Variants in GATAD2B observed in about 807,000 individuals in gnomAD.
GATAD2B encodes the protein transcriptional repressor p66-beta.
In GATAD2B, 8 loss-of-function variants were observed where a neutral mutation model predicts 64.3. That is an observed-to-expected ratio of 0.12 (90% confidence interval 0.07 to 0.22). The LOEUF is 0.22. Among genes scored for constraint, GATAD2B ranks in the 10% least tolerant of loss-of-function variants. The probability of loss-of-function intolerance (pLI) is 1.00; values close to 1 mark genes in which losing one functional copy is unlikely to be tolerated. For synonymous variants in GATAD2B, 281 were observed against 271.3 expected, an observed-to-expected ratio of 1.04 and a Z score of -0.35; for missense variants, 453 against 752.0, an observed-to-expected ratio of 0.60 and a Z score of 4.65.
At position 153,813,464 on chromosome 1, in the gene GATAD2B, CA is replaced by C. The variant is rs1196957318; in HGVS notation, c.1217-13del. On this transcript the variant is annotated splice_polypyrimidine_tract_variant and intron_variant, in intron 7 of 10. Transcript: ENST00000368655. ...GGCACAGCTTTTGCCTAGATACCAA[CA>C]AAAATAGTCAGTGGCTTTACATTTC... The C allele has an allele frequency of 6.3e-7, 1 of 1,589,646 alleles. No homozygotes were observed. Among genetic ancestry groups the C allele is most frequent in the South Asian group, 1.1e-5 (1 of 90,488 alleles).
At chr1:153,890,003 T>C (rs1677321533) in intron 1 of GATAD2B, among the ~76,000 whole-genome samples, 1 of 151,542 alleles carries the variant, frequency 6.6e-6, no homozygotes, top group South Asian at 2.1e-4. Context: ...GAGAAACTTG[T>C]CTTTACTAAA....
At chr1:153,875,037 T>A (rs1676781734) in intron 1 of GATAD2B, among the ~76,000 whole-genome samples, 1 of 152,034 alleles carries the variant, frequency 6.6e-6, no homozygotes. Context: ...CATGCCACCA[T>A]GCCCAGCATT....
chr1:153,819,555 A>G (rs761636011), intron 3 of GATAD2B, 51 bp downstream of exon 3: 13 of 1,281,126 alleles, frequency 1.0e-5, no homozygotes, highest in Non-Finnish European at 1.3e-5. Context: ...GAGGAATTAA[A>G]TAAAATAGAA....
intron 3 of GATAD2B, among the ~76,000 whole-genome samples, 185 bp downstream of exon 3, chr1:153,819,421 C>T (rs1674595408): frequency 6.6e-6 from 1 of 152,116 alleles, no homozygotes; most frequent in South Asian, 2.1e-4. Flanking sequence ...TTCAAACTGT[C>T]GTCTCCACTT....
chr1:153,915,147 CG>C (rs777183813), intron 1 of GATAD2B, among the ~76,000 whole-genome samples: 3 of 152,154 alleles, frequency 2.0e-5, no homozygotes, highest in Non-Finnish European at 4.4e-5. Context: ...CACTTGAACC[CG>C]GGAGGCGGTG....
At chr1:153,827,406 T>A (rs2101890892) in intron 2 of GATAD2B, among the ~76,000 whole-genome samples, 1 of 152,084 alleles carries the variant, frequency 6.6e-6, no homozygotes, top group East Asian at 1.9e-4. Context: ...TTTCAAGTAC[T>A]CAACCTTGAA....
chr1:153,833,818 AAAAAAAAAAAAAAG>A (rs1033982783), intron 1 of GATAD2B, among the ~76,000 whole-genome samples: 4 of 144,966 alleles, frequency 2.8e-5, no homozygotes, highest in African/African-American at 1.1e-4. Flanking sequence ...CTCCAAAAAA[AAAAAAAAAAAAAAG>A]AAAAAAGAAA....
intron 1 of GATAD2B, among the ~76,000 whole-genome samples, chr1:153,831,841 T>C (rs1675085967): frequency 6.6e-6 from 1 of 152,212 alleles, no homozygotes. Flanking sequence ...ACTCAACTGA[T>C]TATACGCCTA....
At chr1:153,904,659 A>C (rs1222919979) in intron 1 of GATAD2B, among the ~76,000 whole-genome samples, 1 of 151,934 alleles carries the variant, frequency 6.6e-6, no homozygotes, top group Non-Finnish European at 1.5e-5. Context: ...CTCCTGTTTC[A>C]GTTTCCCAAG....
chr1:153,815,296 A>AC (rs1674438012), intron 7 of GATAD2B, among the ~76,000 whole-genome samples: 1 of 148,266 alleles, frequency 6.7e-6, no homozygotes, highest in African/African-American at 2.5e-5. Context: ...AAAAAAACAA[A>AC]AAAAAAAAAA....
intron 1 of GATAD2B, among the ~76,000 whole-genome samples, chr1:153,867,861 A>G (rs1676531499): frequency 6.6e-6 from 1 of 151,968 alleles, no homozygotes; most frequent in Non-Finnish European, 1.5e-5. Context: ...CTCCGTCTCA[A>G]AAAACAACAA....
chr1:153,887,446 T>C (rs752391469), intron 1 of GATAD2B, among the ~76,000 whole-genome samples: 1 of 152,222 alleles, frequency 6.6e-6, no homozygotes, highest in East Asian at 1.9e-4. Flanking sequence ...TTTGGGAAGA[T>C]GTATTTATCA....
intron 1 of GATAD2B, among the ~76,000 whole-genome samples, chr1:153,913,300 T>A (rs371004155): frequency 6.6e-6 from 1 of 152,076 alleles, no homozygotes; most frequent in Non-Finnish European, 1.5e-5. Context: ...GGAAAAAAAA[T>A]AATCAAAGGT....
chr1:153,842,788 G>C (rs1196051313), intron 1 of GATAD2B, among the ~76,000 whole-genome samples: 1 of 151,822 alleles, frequency 6.6e-6, no homozygotes, highest in African/African-American at 2.4e-5. Context: ...GAGTAGCTGG[G>C]ATTACAGGCG....
intron 1 of GATAD2B, among the ~76,000 whole-genome samples, chr1:153,868,526 T>A (rs1035141552): frequency 1.3e-5 from 2 of 152,006 alleles, no homozygotes; most frequent in African/African-American, 4.8e-5. Context: ...TTTTAAAAAA[T>A]TTAAAGTCTT....
intron 1 of GATAD2B, chr1:153,852,119 A>C (rs1418742204): frequency 3.1e-6 from 2 of 645,202 alleles, no homozygotes; most frequent in East Asian, 5.4e-5. Flanking sequence ...TTGTGCTCAG[A>C]TCGCTGGGCC....
intron 4 of GATAD2B, 118 bp from the exon 5 acceptor site, chr1:153,818,289 A>C: frequency 4.9e-6 from 4 of 817,540 alleles, no homozygotes; most frequent in Middle Eastern, 2.5e-4. Context: ...AGGAGGAAAA[A>C]CCAGAAAAAG....
Position 153,810,219 on chromosome 1 carries a change from G to T in GATAD2B, c.1740C>A (p.Ile580=), listed in dbSNP as rs1674246559. The stretch of plus-strand genomic sequence containing the variant: ...TGGACTGCGATATAGACCGGGGAGG[G>T]ATCATGTCTAAAAGGTATTCACGCT... The part of the protein sequence containing the change: ...DRQREYLLDM[I]PPRSISQSIS... The change falls in exon 11 of 11, where the codon ATC becomes ATA. Residue 580 remains isoleucine, a synonymous_variant. Transcript: ENST00000368655. 1 of 1,613,110 alleles carries T rather than the reference G, an allele frequency of 6.2e-7. No homozygotes were observed. Among genetic ancestry groups the T allele is most frequent in the Non-Finnish European group, 8.5e-7 (1 of 1,179,584 alleles).
chr1:153,887,916 G>T (rs1483424214), intron 1 of GATAD2B, among the ~76,000 whole-genome samples: 2 of 151,928 alleles, frequency 1.3e-5, no homozygotes, highest in African/African-American at 4.8e-5. Flanking sequence ...GTGAAACCCT[G>T]TCTCTACTAA....
Sources: allele counts gnomAD v4.1 joint callset (sites outside exome capture counted in the v4.1 genomes callset), GRCh38; gene constraint gnomAD v4.1.1; transcripts MANE v1.5; gene names NCBI Gene and HGNC (gene_info 2026-07-23, HGNC 2026-07-21).